DPYD: variants seen among roughly 807,000 people sequenced by gnomAD.
DPYD encodes the protein dihydropyrimidine dehydrogenase [NADP(+)].
Under a neutral mutation model 116.2 loss-of-function variants are expected in DPYD, and 109 were observed. The observed-to-expected ratio is 0.94, with a 90% CI of 0.80 to 1.10. The LOEUF (loss-of-function observed/expected upper bound fraction) is 1.10, where lower values mean the gene tolerates loss of function less well. DPYD is among the 50% of genes least tolerant of loss of function. The pLI is 0.00. For synonymous variants in DPYD, 440 were observed against 432.0 expected, an observed-to-expected ratio of 1.02 and a Z score of -0.23; for missense variants, 1,302 against 1,254.5, an observed-to-expected ratio of 1.04 and a Z score of -0.57.
intron 10 of DPYD, among the ~76,000 whole-genome samples, chr1:97,578,861 T>C (rs1057515074): frequency 1.3e-5 from 2 of 152,096 alleles, no homozygotes; most frequent in Non-Finnish European, 2.9e-5. Flanking sequence ...AACGAGTTAA[T>C]AGAGACACCT....
chr1:97,229,582 ATAT>A (rs1661450108), intron 19 of DPYD, among the ~76,000 whole-genome samples: 2 of 69,798 alleles, frequency 2.9e-5, no homozygotes, highest in African/African-American at 9.4e-5. Flanking sequence ...ATATATATAT[ATAT>A]ATATACTGAT....
chr1:97,697,203 A>G (rs1214735218), intron 6 of DPYD, among the ~76,000 whole-genome samples: 1 of 152,150 alleles, frequency 6.6e-6, no homozygotes, highest in Non-Finnish European at 1.5e-5. Context: ...ATTAAAAATA[A>G]TTGATGTGTT....
intron 12 of DPYD, among the ~76,000 whole-genome samples, chr1:97,526,344 A>C (rs917114343): frequency 1.1e-4 from 16 of 152,004 alleles, no homozygotes; most frequent in African/African-American, 3.9e-4. Flanking sequence ...GGCTTTCTCT[A>C]CTTCTTTATC....
chr1:97,302,783 T>C (rs2101027343), intron 18 of DPYD, among the ~76,000 whole-genome samples: 2 of 152,152 alleles, frequency 1.3e-5, no homozygotes, highest in East Asian at 1.9e-4. Flanking sequence ...ATCCCAACTA[T>C]ATGCAAAGCA....
chr1:97,243,336 C>G (rs1662503365), intron 18 of DPYD, among the ~76,000 whole-genome samples: 1 of 149,346 alleles, frequency 6.7e-6, no homozygotes, highest in Non-Finnish European at 1.5e-5. Flanking sequence ...TGAGTGCTTT[C>G]TAATTGACAG....
chr1:97,807,845 A>AT (rs1000483131), intron 3 of DPYD, among the ~76,000 whole-genome samples: 6 of 151,282 alleles, frequency 4.0e-5, no homozygotes, highest in South Asian at 2.1e-4. Context: ...GTGTGTCTAG[A>AT]TTTTTTTTTA....
At chr1:97,485,679 T>C (rs1455672472) in intron 13 of DPYD, among the ~76,000 whole-genome samples, 1 of 152,210 alleles carries the variant, frequency 6.6e-6, no homozygotes, top group Non-Finnish European at 1.5e-5. Context: ...AAAATACATG[T>C]GGTCATTTTT....
chr1:97,126,658 A>C (rs2101656937), intron 20 of DPYD, among the ~76,000 whole-genome samples: 1 of 152,286 alleles, frequency 6.6e-6, no homozygotes, highest in East Asian at 1.9e-4. Flanking sequence ...CACTATACTG[A>C]GTACCTGACT....
intron 4 of DPYD, among the ~76,000 whole-genome samples, chr1:97,726,028 T>C (rs1663237393): frequency 6.6e-6 from 1 of 151,310 alleles, no homozygotes; most frequent in African/African-American, 2.4e-5. Flanking sequence ...TTTAAAGGAG[T>C]GGGAATTATA....
At chr1:97,421,451 A>AACC (rs67569108) in intron 14 of DPYD, among the ~76,000 whole-genome samples, 2 of 84,134 alleles carry the variant, frequency 2.4e-5, no homozygotes, top group South Asian at 3.3e-4. Flanking sequence ...AACAAAACAA[A>AACC]ACAACAACAA....
intron 19 of DPYD, among the ~76,000 whole-genome samples, chr1:97,197,069 G>A (rs947156090): frequency 1.3e-5 from 2 of 152,136 alleles, no homozygotes; most frequent in African/African-American, 2.4e-5. Flanking sequence ...AGTGCTGCAT[G>A]TTAGTACAAT....
At chr1:97,325,210 A>T (rs1668651896) in intron 16 of DPYD, among the ~76,000 whole-genome samples, 1 of 152,068 alleles carries the variant, frequency 6.6e-6, no homozygotes, top group Admixed American at 6.6e-5. Context: ...CTTAACAAGG[A>T]ACATACTATG....
intron 3 of DPYD, among the ~76,000 whole-genome samples, chr1:97,806,717 T>A (rs1371053840): frequency 6.6e-6 from 1 of 151,940 alleles, no homozygotes; most frequent in East Asian, 1.9e-4. Flanking sequence ...TAGTGTTGTA[T>A]ATCCTAAGGC....
intron 16 of DPYD, among the ~76,000 whole-genome samples, chr1:97,319,456 C>T (rs1275254567): frequency 7.9e-6 from 1 of 126,406 alleles, no homozygotes; most frequent in African/African-American, 3.1e-5. Flanking sequence ...ACAAACACCT[C>T]TACGCAAATA....
chr1:97,737,762 C>CAT (rs938990356), intron 4 of DPYD, among the ~76,000 whole-genome samples: 1 of 151,676 alleles, frequency 6.6e-6, no homozygotes, highest in African/African-American at 2.4e-5. Context: ...CCCTCTCAAC[C>CAT]ATATATATAT....
At chr1:97,452,841 C>T (rs948020246) in intron 13 of DPYD, among the ~76,000 whole-genome samples, 1 of 152,066 alleles carries the variant, frequency 6.6e-6, no homozygotes, top group African/African-American at 2.4e-5. Flanking sequence ...TGCTGCTATG[C>T]TTCCTATAGA....
intron 2 of DPYD, among the ~76,000 whole-genome samples, chr1:97,835,899 A>G (rs1400101497): frequency 1.3e-5 from 2 of 152,086 alleles, no homozygotes; most frequent in East Asian, 3.9e-4. Context: ...AAAATCTACT[A>G]TTTCAACCAG....
chr1:97,557,580 T>G (rs1051938904), intron 11 of DPYD, among the ~76,000 whole-genome samples: 3 of 152,096 alleles, frequency 2.0e-5, no homozygotes, highest in Admixed American at 2.0e-4. Context: ...CCTCCCAAAG[T>G]GCTGGAATTA....
At chr1:97,666,745 G>T (rs902030311) in intron 8 of DPYD, among the ~76,000 whole-genome samples, 16 of 152,080 alleles carry the variant, frequency 1.1e-4, no homozygotes, top group African/African-American at 3.4e-4. Context: ...CAAAAATTCA[G>T]CTATTTTAAA....
Sources: allele counts gnomAD v4.1 joint callset (sites outside exome capture counted in the v4.1 genomes callset), GRCh38; gene constraint gnomAD v4.1.1; transcripts MANE v1.5; gene names NCBI Gene and HGNC (gene_info 2026-07-23, HGNC 2026-07-21).